ABCA7: variants seen among roughly 807,000 people sequenced by gnomAD.
ABCA7 encodes phospholipid-transporting ATPase ABCA7.
Under a neutral mutation model 227.6 loss-of-function variants are expected in ABCA7, and 261 were observed. The ratio of observed to expected loss-of-function variants is 1.15; its 90% CI spans 1.04 to 1.27. ABCA7 has a LOEUF of 1.27. Among genes scored for constraint, ABCA7 ranks in the 50% most tolerant of loss-of-function variants. ABCA7 has a pLI of 0.00. For missense variants in ABCA7, 3,331 were observed against 2,924.5 expected, an observed-to-expected ratio of 1.14 and a Z score of -3.21; for synonymous variants, 1,488 against 1,279.7, an observed-to-expected ratio of 1.16 and a Z score of -3.47.
At position 1,051,609 on chromosome 19, in the gene ABCA7, G is replaced by A. The variant is rs560346295; in HGVS notation, c.2962+23G>A. Reference sequence around the variant, plus strand: ...AAGGTAAGAGCTGGGGATTCTGCTCGAGGGGCCAGAAAAGGCTTCTGACAA... The same window carrying A: ...AAGGTAAGAGCTGGGGATTCTGCTCAAGGGGCCAGAAAAGGCTTCTGACAA... On this transcript the variant is annotated intron_variant, in intron 21 of 46. Transcript: ENST00000263094. 63 of 1,597,164 alleles carry A rather than the reference G, an allele frequency of 3.9e-5. No individual in the cohort carries two copies. In the Admixed American group the frequency reaches 5.6e-4, roughly 14 times the overall value.
Position 1,051,022 on chromosome 19 carries a change from T to G in ABCA7, c.2654T>G (p.Val885Gly). Residue 885 changes from valine to glycine, a missense_variant, in exon 19 of 47, where the codon GTC (valine) becomes GGC (glycine). Transcript: ENST00000263094. ...SMAAIRPHLG[V>G]CPQYNVLFDM... ...GCCGCCATCCGGCCCCACCTGGGCG[T>G]CTGTCCTCAGTACAACGTGCTGTTT... The G allele has an allele frequency of 6.2e-7, 1 of 1,612,088 alleles. No individual in the cohort carries two copies.
rs762988274 is a variant in ABCA7 at position 1,056,998 on chromosome 19, G to A, written c.4678G>A (p.Glu1560Lys). 6.2e-7 allele frequency: 1 copy of A among 1,613,940 alleles called. No individual in the cohort carries two copies. Among genetic ancestry groups the A allele is most frequent in the Admixed American group, 1.7e-5 (1 of 60,020 alleles). Residue 1560 changes from glutamate to lysine, a missense_variant, in exon 34 of 47, where the codon GAG becomes AAG. Glu to Lys is a moderately conservative substitution (Grantham distance 56). Coordinates refer to ENST00000263094, the MANE Select transcript of ABCA7 (RefSeq NM_019112.4). The surrounding 1 kb of genome is among the most constrained non-coding windows in gnomAD (Gnocchi z 4.3). ...CAGCTTCACTCTTGTCCTCATTGAG[G>A]AGCGAGTCACCCGAGCCAAGCACCT... Reference protein sequence around the residue: ...PASFTLVLIEERVTRAKHLQL... With the variant: ...PASFTLVLIEKRVTRAKHLQL...
At chr19:1,043,526 G>T in intron 9 of ABCA7, 53 bp downstream of exon 9, 4 of 1,612,442 alleles carry the variant, frequency 2.5e-6, no homozygotes, top group Middle Eastern at 3.3e-4. Context: ...AGCCCATCCA[G>T]TACCCTCAGT....
intron 42 of ABCA7, among the ~76,000 whole-genome samples, chr19:1,062,927 GC>G: frequency 3.6e-5 from 5 of 138,684 alleles, no homozygotes; most frequent in African/African-American, 8.1e-5. Context: ...CCATACTCAT[GC>G]TGGCTCCACC....
chr19:1,057,029 T>G lies in ABCA7; in HGVS notation c.4709T>G (p.Leu1570Arg), dbSNP rs1476617522. The change falls in exon 34 of 47, where the codon CTC becomes CGC. Residue 1570 changes from leucine (L) to arginine (R), a missense_variant. Physicochemically the swap from Leu to Arg is moderately radical, Grantham distance 102. Transcript: ENST00000263094. ...ERVTRAKHLQ[L>R]MGGLSPTLYW... The stretch of plus-strand genomic sequence containing the variant: ...GTCACCCGAGCCAAGCACCTGCAGC[T>G]CATGGGGGGCCTGTCCCCCACCCTC... The G allele has an allele frequency of 6.2e-7, 1 of 1,613,812 alleles. No individual in the cohort carries two copies. The highest frequency in any genetic ancestry group is 1.6e-4 in the Middle Eastern group (1 of 6,062).
intron 16 of ABCA7, among the ~76,000 whole-genome samples, chr19:1,048,080 C>A (rs2040898774): frequency 6.6e-6 from 1 of 151,908 alleles, no homozygotes; most frequent in Non-Finnish European, 1.5e-5. Context: ...CTCCTGTAGT[C>A]CCAGCTACTC....
intron 13 of ABCA7, 50 bp from the exon 14 acceptor site, chr19:1,046,752 G>GA (rs1021550018): frequency 5.7e-5 from 85 of 1,501,804 alleles, no homozygotes; most frequent in Non-Finnish European, 6.9e-5. Flanking sequence ...TGGGCGGAGG[G>GA]GGGGTCTGCG....
At position 1,041,354 on chromosome 19, in the gene ABCA7, G is replaced by A; in HGVS notation, c.-8G>A. The A allele has an allele frequency of 6.2e-7, 1 of 1,613,982 alleles. No homozygotes were observed. The highest frequency in any genetic ancestry group is 8.5e-7 in the Non-Finnish European group (1 of 1,180,016). ...ACCTCTCTGTCCCGTCCCCTGCCCA[G>A]TCTCACCATGGCCTTCTGGACACAG... On this transcript the variant is annotated 5_prime_UTR_variant, in exon 2 of 47. Coordinates refer to ENST00000263094, the MANE Select transcript of ABCA7 (RefSeq NM_019112.4).
Position 1,041,441 on chromosome 19 carries a change from G to A in ABCA7, c.66+14G>A. The A allele has an allele frequency of 6.2e-7, 1 of 1,614,018 alleles. No individual in the cohort carries two copies. The highest frequency in any genetic ancestry group is 1.1e-5 in the South Asian group (1 of 91,090). Reference sequence around the variant, plus strand: ...CGGAGACAGCCGGTAACGCCCCAGTGTGAGACCAGGGCCGGGTGGGCAGGC... The same window carrying A: ...CGGAGACAGCCGGTAACGCCCCAGTATGAGACCAGGGCCGGGTGGGCAGGC... On this transcript the variant is annotated intron_variant, in intron 2 of 46. Coordinates refer to ENST00000263094, the MANE Select transcript of ABCA7 (RefSeq NM_019112.4).
chr19:1,049,205 G>C (rs2041105807), intron 17 of ABCA7, 61 bp from the exon 18 acceptor site: 2 of 1,527,202 alleles, frequency 1.3e-6, no homozygotes, highest in Non-Finnish European at 1.8e-6. Flanking sequence ...CCAGCTCTGA[G>C]GGACTTGCAG....
Position 1,056,018 on chromosome 19 carries a change from G to C in ABCA7, c.4239-48G>C, listed in dbSNP as rs759145406. The C allele has an allele frequency of 1.3e-6, 2 of 1,507,328 alleles. No individual in the cohort carries two copies. The highest frequency in any genetic ancestry group is 1.8e-6 in the Non-Finnish European group (2 of 1,133,636). 93.4% of individuals were successfully genotyped at this position (1,507,328 alleles called of 1,614,324 possible). On this transcript the variant is annotated intron_variant, in intron 31 of 46. Transcript: ENST00000263094. This position sits in a 1 kb window ranked among gnomAD's most constrained non-coding sequence, Gnocchi z 4.3. ...CTGCCTGCCCCCTGGGAGCTCTCCC[G>C]GCCCCCCCGGCCCTCAGCTCCCCTT... is the stretch of plus-strand genomic sequence containing the variant.
chr19:1,051,227 G>T lies in ABCA7; in HGVS notation c.2757G>T (p.Glu919Asp). The change falls in exon 20 of 47, where the codon GAG (glutamate) becomes GAT (aspartate). Residue 919 changes from glutamate (E) to aspartate (D), a missense_variant. Physicochemically the swap from Glu to Asp is conservative, Grantham distance 45. Coordinates refer to ENST00000263094, the MANE Select transcript of ABCA7 (RefSeq NM_019112.4). ...TGAGTGCCGCTGTAGTGGGCCCCGA[G>T]CAGGACCGTCTGCTGCAGGATGTGG... The part of the protein sequence containing the change: ...KGLSAAVVGP[E>D]QDRLLQDVGL... 6.2e-7 allele frequency: 1 copy of T among 1,610,882 alleles called. No homozygotes were observed. The highest frequency in any genetic ancestry group is 8.5e-7 in the Non-Finnish European group (1 of 1,179,750).
rs1358051834 is a variant in ABCA7, at chr19:1,054,370, A to G, written c.3726+29A>G. 6 of 1,574,084 alleles carry G rather than the reference A, an allele frequency of 3.8e-6. No individual in the cohort carries two copies. Among genetic ancestry groups the G allele is most frequent in the Middle Eastern group, 2.1e-4 (1 of 4,744 alleles). On this transcript the variant is annotated intron_variant, in intron 27 of 46. Coordinates refer to ENST00000263094, the MANE Select transcript of ABCA7 (RefSeq NM_019112.4). This position sits in a 1 kb window ranked among gnomAD's most constrained non-coding sequence, Gnocchi z 4.8. The stretch of plus-strand genomic sequence containing the variant: ...AGGAGGGCTAGCACCAGGGAGTCGC[A>G]TGGGAGTCCCTGAGTTCCCTACCCT...
In ABCA7 at chr19:1,054,115, G is replaced by A. The variant is rs777729343; in HGVS notation, c.3577+5G>A. Reference sequence around the variant, plus strand: ...CGCTGGAGAACGGGGAACCAGGTAAGTCCTTCCCAGTGGCCCTGGGGTCCT... The same window carrying A: ...CGCTGGAGAACGGGGAACCAGGTAAATCCTTCCCAGTGGCCCTGGGGTCCT... On this transcript the variant is annotated splice_donor_5th_base_variant and intron_variant, in intron 26 of 46. Coordinates refer to ENST00000263094, the MANE Select transcript of ABCA7 (RefSeq NM_019112.4). This position sits in a 1 kb window ranked among gnomAD's most constrained non-coding sequence, Gnocchi z 4.8. 7 of 1,612,990 alleles carry A rather than the reference G, an allele frequency of 4.3e-6. No individual in the cohort carries two copies. Among genetic ancestry groups the A allele is most frequent in the Middle Eastern group, 1.6e-4 (1 of 6,080 alleles).
At position 1,044,607 on chromosome 19, in the gene ABCA7, A is replaced by T; in HGVS notation, c.1078A>T (p.Arg360Trp). The T allele has an allele frequency of 1.9e-6, 3 of 1,613,092 alleles. No individual in the cohort carries two copies. The highest frequency in any genetic ancestry group is 2.5e-6 in the Non-Finnish European group (3 of 1,179,874). ...RLLQMQDEGR[R>W]QPRPGGRDHM... The stretch of plus-strand genomic sequence containing the variant: ...CCTGCAGATGCAGGATGAAGGAAGA[A>T]GGCAGCCCAGACCTGGAGGCCGGGA... Residue 360 changes from arginine (R) to tryptophan (W), a missense_variant, in exon 11 of 47, where the codon AGG (arginine) becomes TGG (tryptophan). Arg to Trp is a moderately radical substitution (Grantham distance 101). Transcript: ENST00000263094.
chr19:1,045,238 C>CG lies in ABCA7; in HGVS notation c.1445+8dup. The stretch of plus-strand genomic sequence containing the variant: ...CCAATAAGATCAGGGACAGGTCAGG[C>CG]GAGGGAGGGGGCGGGGGGATGAGGG... On this transcript the variant is annotated splice_region_variant and intron_variant, in intron 12 of 46. Transcript: ENST00000263094. 9.6e-7 allele frequency: 1 copy of CG among 1,038,236 alleles called. No homozygotes were observed. The highest frequency in any genetic ancestry group is 1.6e-5 in the African/African-American group (1 of 61,650). 64.3% of individuals were successfully genotyped at this position (1,038,236 alleles called of 1,614,324 possible). A position where few individuals can be genotyped will look rare whatever the true frequency, so the allele number is the denominator to read the frequency against.
intron 44 of ABCA7, 22 bp from the exon 45 acceptor site, chr19:1,064,139 T>C (rs2042877210): frequency 6.5e-7 from 1 of 1,538,202 alleles, no homozygotes; most frequent in Admixed American, 2.0e-5. Context: ...CTCACGGAGC[T>C]CGTGGTGCCG....
In ABCA7 at chr19:1,051,235, G is replaced by A. The variant is rs780964189; in HGVS notation, c.2765G>A (p.Arg922His). 1.6e-5 allele frequency: 25 copies of A among 1,610,128 alleles called. No homozygotes were observed. Among genetic ancestry groups the A allele is most frequent in the African/African-American group, 5.3e-5 (4 of 74,910 alleles). ...SAAVVGPEQD[R>H]LLQDVGLVSK... is the part of the protein sequence containing the mutation. ...GCTGTAGTGGGCCCCGAGCAGGACC[G>A]TCTGCTGCAGGATGTGGGGCTGGTC... is the stretch of plus-strand genomic sequence containing the variant. The change falls in exon 20 of 47, where the codon CGT (arginine) becomes CAT (histidine). Residue 922 changes from arginine to histidine, a missense_variant. Coordinates refer to ENST00000263094, the MANE Select transcript of ABCA7 (RefSeq NM_019112.4).
intron 42 of ABCA7, 107 bp downstream of exon 42, chr19:1,062,420 C>T: frequency 2.7e-6 from 4 of 1,502,132 alleles, no homozygotes; most frequent in Non-Finnish European, 3.6e-6. Context: ...TGGCTCCATC[C>T]CTGTCCCTGC....
Sources: gnomAD v4.1 joint callset for allele counts (sites outside exome capture counted in the v4.1 genomes callset) on GRCh38, gnomAD v4.1.1 for gene constraint, Gnocchi (gnomAD v3.1) non-coding constraint, MANE v1.5 for transcripts, NCBI Gene and HGNC (gene_info 2026-07-23, HGNC 2026-07-21) for gene names.